The following DKKL1 variants were observed in gnomAD, a reference collection of about 807,000 sequenced individuals.
DKKL1 encodes dickkopf-like protein 1.
DKKL1 carries 11 observed loss-of-function variants against 16.5 expected under a neutral mutation model. That is an observed-to-expected ratio of 0.67 (90% CI 0.42 to 1.10). DKKL1 has a LOEUF of 1.10. Ranked by LOEUF, DKKL1 falls within the 50% of genes least tolerant of loss-of-function variation. The pLI, the probability that DKKL1 is intolerant of heterozygous loss-of-function variation, is 0.00. For synonymous variants in DKKL1, 119 were observed against 133.2 expected (o/e 0.89, Z 0.73); for missense variants, 320 against 308.1 (o/e 1.04, Z -0.29).
chr19:49,374,926 C>A lies in DKKL1; in HGVS notation c.627C>A (p.His209Gln). The change falls in exon 5 of 5, where the codon CAC (histidine) becomes CAA (glutamine). Residue 209 changes from histidine (H) to glutamine (Q), a missense_variant. Physicochemically the swap from His to Gln is conservative, Grantham distance 24. Coordinates refer to ENST00000221498, the MANE Select transcript of DKKL1 (RefSeq NM_014419.4). The stretch of plus-strand genomic sequence containing the variant: ...GGGATGGACTCCGCAAGGGGACCCA[C>A]AAGGACGTCCTAGAAGAGGGGACCG... ...AIRDGLRKGT[H>Q]KDVLEEGTES... The A allele has an allele frequency of 1.2e-6, 2 of 1,613,976 alleles. No individual in the cohort carries two copies. The highest frequency in any genetic ancestry group is 1.7e-6 in the Non-Finnish European group (2 of 1,179,936).
At chr19:49,373,958 C>CA (rs1973616923) in intron 4 of DKKL1, among the ~76,000 whole-genome samples, 1 of 151,952 alleles carries the variant, frequency 6.6e-6, no homozygotes, top group Admixed American at 6.6e-5. Context: ...CTTTCTCCCT[C>CA]AACTCAAAGC....
rs750228938 is a variant in DKKL1, at chr19:49,374,951, G to A, written c.652G>A (p.Glu218Lys). The change falls in exon 5 of 5, where the codon GAG (glutamate) becomes AAG (lysine). Residue 218 changes from glutamate (E) to lysine (K), a missense_variant. Physicochemically the swap from Glu to Lys is moderately conservative, Grantham distance 56 (BLOSUM62 1). Transcript: ENST00000221498. Reference protein sequence around the residue: ...THKDVLEEGTESSSHSRLSPR... With the variant: ...THKDVLEEGTKSSSHSRLSPR... ...CAAGGACGTCCTAGAAGAGGGGACC[G>A]AGAGCTCCTCCCACTCCAGGCTGTC... is the stretch of plus-strand genomic sequence containing the variant. 2.9e-5 allele frequency: 47 copies of A among 1,613,552 alleles called. No individual in the cohort carries two copies. The highest frequency in any genetic ancestry group is 9.3e-5 in the African/African-American group (7 of 74,900).
At chr19:49,364,498 C>A (rs1973172524) in intron 1 of DKKL1, 84 bp from the exon 2 acceptor site, 1 of 1,251,478 alleles carries the variant, frequency 8.0e-7, no homozygotes, top group East Asian at 2.5e-5. Context: ...ACTGGGGAGG[C>A]GACCTGGGCA....
Position 49,370,773 on chromosome 19 carries a change from C to CA in DKKL1, c.418-3944_418-3943insA, listed in dbSNP as rs1424502759. 1.2e-4 allele frequency: 18 copies of CA among 152,116 alleles called. No homozygotes were observed. In the East Asian group the frequency reaches 3.1e-3, roughly 26 times the overall value. 9.4% of individuals were successfully genotyped at this position (152,116 alleles called of 1,614,324 possible). ...GTAATGTGAAGGCACCCTAGGGAGT[C>CA]CAGGTAAATGATTTCAAGGATGACC... On this transcript the variant is annotated intron_variant, in intron 4 of 4. Transcript: ENST00000221498.
upstream of DKKL1, chr19:49,363,757 A>G: frequency 1.7e-6 from 1 of 590,586 alleles, no homozygotes; most frequent in Non-Finnish European, 3.1e-6. Flanking sequence ...TGGCTGTGTC[A>G]CCAAGGGCGT....
At chr19:49,372,878 G>A (rs748955048) in intron 4 of DKKL1, among the ~76,000 whole-genome samples, 4 of 152,076 alleles carry the variant, frequency 2.6e-5, no homozygotes, top group East Asian at 1.9e-4. Flanking sequence ...GCACATGTCT[G>A]TAATCCCAGC....
At chr19:49,363,794 TG>T, upstream of DKKL1, 1 of 687,816 alleles carries the variant, frequency 1.5e-6, no homozygotes, top group African/African-American at 1.8e-5. Flanking sequence ...CCCGGGCTCC[TG>T]GGTGAGGCCG....
chr19:49,374,732 GAGA>G lies in DKKL1; in HGVS notation c.436_438del (p.Lys146del), dbSNP rs763653780. Reference sequence around the variant, plus strand: ...TCCTCCCCAGGTACCCAGGATGGAGGAGAAGGAGGCCCTGGTACCCATCCAGAA... The same window carrying G: ...TCCTCCCCAGGTACCCAGGATGGAGGAGGAGGCCCTGGTACCCATCCAGAA... On this transcript the variant is annotated inframe_deletion, in exon 5 of 5. Transcript: ENST00000221498. The G allele has an allele frequency of 2.0e-4, 306 of 1,534,108 alleles. 5 individuals carry two copies. In the South Asian group the frequency reaches 3.3e-3, roughly 16 times the overall value.
chr19:49,365,194 A>C (rs1046399136), intron 2 of DKKL1, among the ~76,000 whole-genome samples: 5 of 149,986 alleles, frequency 3.3e-5, no homozygotes, highest in Non-Finnish European at 7.4e-5. Flanking sequence ...ATACGTGCAT[A>C]AATAAGAGAG....
upstream of DKKL1, chr19:49,363,866 C>T (rs1973122798): frequency 7.6e-7 from 1 of 1,323,814 alleles, no homozygotes; most frequent in Non-Finnish European, 1.0e-6. Context: ...GCGCAACCAA[C>T]GCTCTAGACC....
intron 4 of DKKL1, among the ~76,000 whole-genome samples, chr19:49,366,388 T>C (rs117096682): frequency 6.6e-6 from 1 of 152,084 alleles, no homozygotes; most frequent in Non-Finnish European, 1.5e-5. Flanking sequence ...AGAATACATC[T>C]GCAAGGGTTT....
chr19:49,363,576 G>C (rs1973103681), upstream of DKKL1: 1 of 333,388 alleles, frequency 3.0e-6, no homozygotes, highest in East Asian at 8.3e-5. Flanking sequence ...CATTGCGATT[G>C]GGCGGGACTC....
chr19:49,365,561 G>C lies in DKKL1; in HGVS notation c.236G>C (p.Arg79Pro), dbSNP rs148116480. The C allele has an allele frequency of 6.2e-7, 1 of 1,613,634 alleles. No homozygotes were observed. Residue 79 changes from arginine to proline, a missense_variant, in exon 3 of 5, where the codon CGG (arginine) becomes CCG (proline). Coordinates refer to ENST00000221498, the MANE Select transcript of DKKL1 (RefSeq NM_014419.4). ...DSLFSAPMDF[R>P]GLPGNYHKEE... is the part of the protein sequence containing the mutation. Reference sequence around the variant, plus strand: ...TTATTCTCTGCCCCCATGGACTTCCGGGGCCTCCCTGGGAACTACCACAAA... The same window carrying C: ...TTATTCTCTGCCCCCATGGACTTCCCGGGCCTCCCTGGGAACTACCACAAA...
chr19:49,372,608 G>A (rs1973540802), intron 4 of DKKL1, among the ~76,000 whole-genome samples: 1 of 151,480 alleles, frequency 6.6e-6, no homozygotes, highest in African/African-American at 2.4e-5. Flanking sequence ...GCAGGAGAAT[G>A]GCGTGAACCC....
At chr19:49,373,611 A>G (rs940578104) in intron 4 of DKKL1, among the ~76,000 whole-genome samples, 1 of 151,996 alleles carries the variant, frequency 6.6e-6, no homozygotes, top group South Asian at 2.1e-4. Context: ...CTGGGATTAC[A>G]TGAGCGCGCC....
Position 49,374,751 on chromosome 19 carries a change from C to A in DKKL1, c.452C>A (p.Pro151His). The change falls in exon 5 of 5, where the codon CCC becomes CAC. Residue 151 changes from proline to histidine, a missense_variant. Pro to His is a moderately conservative substitution (Grantham distance 77). Transcript: ENST00000221498. The part of the protein sequence containing the change: ...PRMEEKEALV[P>H]IQKATDSFHT... ...ATGGAGGAGAAGGAGGCCCTGGTAC[C>A]CATCCAGAAGGCCACGGACAGCTTC... 1 of 1,564,078 alleles carries A rather than the reference C, an allele frequency of 6.4e-7. No individual in the cohort carries two copies. Among genetic ancestry groups the A allele is most frequent in the Non-Finnish European group, 8.7e-7 (1 of 1,153,016 alleles).
At chr19:49,365,967 AC>A in intron 4 of DKKL1, 82 bp downstream of exon 4, 2 of 1,356,802 alleles carry the variant, frequency 1.5e-6, no homozygotes, top group South Asian at 1.4e-5. Context: ...TCACTCTGTC[AC>A]CCAGGCTGGA....
chr19:49,362,350 G>A (rs1233464008), upstream of DKKL1: 1 of 152,138 alleles, frequency 6.6e-6, no homozygotes, highest in Admixed American at 6.5e-5. Context: ...CAGGATCCCC[G>A]ACTCCCGCCG....
chr19:49,367,623 C>T (rs1973307375), intron 4 of DKKL1, among the ~76,000 whole-genome samples: 1 of 151,940 alleles, frequency 6.6e-6, no homozygotes, highest in Non-Finnish European at 1.5e-5. Flanking sequence ...CCAGACTGCT[C>T]TTGAACTCCT....
Sources: allele counts gnomAD v4.1 joint callset (sites outside exome capture counted in the v4.1 genomes callset), GRCh38; gene constraint gnomAD v4.1.1; transcripts MANE v1.5; gene names NCBI Gene and HGNC (gene_info 2026-07-23, HGNC 2026-07-21).